The following SMARCA2 variants were observed in gnomAD, a reference collection of about 807,000 sequenced individuals.
SMARCA2 encodes SWI/SNF related BAF chromatin remodeling complex subunit ATPase 2.
A neutral mutation model predicts 199.8 loss-of-function variants in SMARCA2; 61 were observed. That is an observed-to-expected ratio of 0.31 (90% confidence interval 0.25 to 0.38). SMARCA2 has a LOEUF of 0.38. Among genes scored for constraint, SMARCA2 ranks in the 10% least tolerant of loss-of-function variants. The probability of loss-of-function intolerance (pLI) is 1.00; values close to 1 mark genes in which losing one functional copy is unlikely to be tolerated. For missense variants in SMARCA2, 1,344 were observed against 2,012.2 expected (o/e 0.67, Z 6.35); for synonymous variants, 935 against 732.0 (o/e 1.28, Z -4.48).
chr9:2,074,414 A>C (rs1821229474), intron 12 of SMARCA2, among the ~76,000 whole-genome samples: 1 of 152,166 alleles, frequency 6.6e-6, no homozygotes, highest in Non-Finnish European at 1.5e-5. Context: ...ACAAGGTAAA[A>C]CATCCTTACC....
chr9:2,097,620 A>G, intron 21 of SMARCA2, 149 bp downstream of exon 21: 1 of 575,190 alleles, frequency 1.7e-6, no homozygotes, highest in East Asian at 2.8e-5. Flanking sequence ...TAGCTCGACA[A>G]GCAGAATTAA....
In SMARCA2 at chr9:2,103,962, A is replaced by T. The variant is rs771108745; in HGVS notation, c.3126-41A>T. ...ATGCTGGATTTTTTAAGAAGACAGA[A>T]GTAATACTGTCTTCTTGTTTTTGCA... On this transcript the variant is annotated intron_variant, in intron 22 of 33. Transcript: ENST00000349721. The T allele has an allele frequency of 3.1e-6, 5 of 1,596,898 alleles. No individual in the cohort carries two copies. The East Asian group carries it at 1.1e-4, about 36-fold the overall frequency.
In SMARCA2 at chr9:2,192,728, G is replaced by C. The variant is rs778603688; in HGVS notation, c.4762G>C (p.Asp1588His). The part of the protein sequence containing the change: ...EREQSEGSGT[D>H]DE The stretch of plus-strand genomic sequence containing the variant: ...GGAACAGTCAGAAGGAAGTGGGACG[G>C]ATGATGAGTGATCAGTATGGACCTT... The change falls in exon 34 of 34, where the codon GAT becomes CAT. Residue 1588 changes from aspartate (D) to histidine (H), a missense_variant. By Grantham distance (81) the Asp-to-His change is moderately conservative. Transcript: ENST00000349721. The C allele has an allele frequency of 1.2e-5, 19 of 1,608,994 alleles. No individual in the cohort carries two copies. The highest frequency in any genetic ancestry group is 1.0e-5 in the Non-Finnish European group (12 of 1,175,486).
intron 27 of SMARCA2, among the ~76,000 whole-genome samples, chr9:2,138,828 C>T (rs892842943): frequency 6.6e-6 from 1 of 152,162 alleles, no homozygotes; most frequent in African/African-American, 2.4e-5. Context: ...TAGAAAGAAC[C>T]ATGTGGGTTT....
At chr9:2,137,826 T>A (rs1586743346) in intron 27 of SMARCA2, among the ~76,000 whole-genome samples, 1 of 152,190 alleles carries the variant, frequency 6.6e-6, no homozygotes, top group Non-Finnish European at 1.5e-5. Flanking sequence ...AGGAGGGATT[T>A]GGTTGCAGCC....
At chr9:2,028,816 G>T (rs1818940465) in intron 1 of SMARCA2, among the ~76,000 whole-genome samples, 171 bp from the exon 2 acceptor site, 1 of 152,146 alleles carries the variant, frequency 6.6e-6, no homozygotes, top group African/African-American at 2.4e-5. Context: ...TCTTCATAAA[G>T]ACTAGGGCAG....
At chr9:2,036,813 G>C (rs901039518) in intron 3 of SMARCA2, among the ~76,000 whole-genome samples, 2 of 151,980 alleles carry the variant, frequency 1.3e-5, no homozygotes, top group Non-Finnish European at 2.9e-5. Flanking sequence ...GAATTCTTAT[G>C]TTTAATGTAA....
At chr9:2,076,122 C>A (rs1473421938) in intron 12 of SMARCA2, 107 bp from the exon 13 acceptor site, 2 of 672,362 alleles carry the variant, frequency 3.0e-6, no homozygotes, top group Non-Finnish European at 5.3e-6. Flanking sequence ...TATGATCTTA[C>A]TTCATTTGTG....
At chr9:2,149,188 ATGG>A (rs1002919191) in intron 27 of SMARCA2, among the ~76,000 whole-genome samples, 16 of 151,242 alleles carry the variant, frequency 1.1e-4, no homozygotes, top group Non-Finnish European at 2.1e-4. Flanking sequence ...CACTTCTTAC[ATGG>A]TGGCGGCAAG....
intron 14 of SMARCA2, 84 bp from the exon 15 acceptor site, chr9:2,081,748 G>A (rs1821576187): frequency 1.6e-6 from 2 of 1,242,276 alleles, no homozygotes; most frequent in Non-Finnish European, 2.3e-6. Flanking sequence ...GAGGAGTTAA[G>A]AAGTCACACC....
chr9:2,169,470 A>G lies in SMARCA2; in HGVS notation c.4200-949A>G, dbSNP rs570898848. ...GCTCTCCTTATATTTCAGACATTCC[A>G]AAGAATTCTGTGTATTTTGAAGCGA... On this transcript the variant is annotated intron_variant, in intron 28 of 33. Transcript: ENST00000349721. The surrounding 1 kb of genome is among the most constrained non-coding windows in gnomAD (Gnocchi z 6.5). Among the ~76,000 whole-genome samples the G allele has an allele frequency of 2.0e-5, 3 of 152,146 alleles. No individual in the cohort carries two copies. Among genetic ancestry groups the G allele is most frequent in the African/African-American group, 4.8e-5 (2 of 41,502 alleles).
At chr9:2,183,279 A>G in intron 31 of SMARCA2, among the ~76,000 whole-genome samples, 1 of 152,214 alleles carries the variant, frequency 6.6e-6, no homozygotes, top group East Asian at 1.9e-4. Flanking sequence ...AACTATAGGA[A>G]AAAAAGAAAC....
chr9:2,189,081 A>C (rs1200059814), intron 32 of SMARCA2, among the ~76,000 whole-genome samples: 1 of 152,190 alleles, frequency 6.6e-6, no homozygotes, highest in Non-Finnish European at 1.5e-5. Flanking sequence ...AATCCACTAT[A>C]ATTTCCCCAT....
At chr9:2,036,940 A>G (rs1819361535) in intron 3 of SMARCA2, among the ~76,000 whole-genome samples, 1 of 152,208 alleles carries the variant, frequency 6.6e-6, no homozygotes, top group Non-Finnish European at 1.5e-5. Context: ...TGTATTAGGC[A>G]TCTTATGATT....
intron 20 of SMARCA2, chr9:2,097,038 G>A: frequency 2.0e-6 from 1 of 495,724 alleles, no homozygotes; most frequent in South Asian, 2.6e-5. Flanking sequence ...GTGTGGGGTG[G>A]CATTTTAGAA....
chr9:2,180,977 G>A (rs911472969), intron 29 of SMARCA2, among the ~76,000 whole-genome samples: 1 of 152,068 alleles, frequency 6.6e-6, no homozygotes, highest in Non-Finnish European at 1.5e-5. Flanking sequence ...GGTTCCTCTG[G>A]CAAGTAATAA....
At position 2,039,573 on chromosome 9, in the gene SMARCA2, G is replaced by C; in HGVS notation, c.463G>C (p.Ala155Pro). ...PPQMPPSQPG[A>P]LIPGDPQAMS... ...TCAGATGCCACCAAGCCAGCCGGGG[G>C]CCCTCATCCCAGGTGATCCGCAGGC... The change falls in exon 4 of 34, where the codon GCC becomes CCC. Residue 155 changes from alanine (A) to proline (P), a missense_variant. Around this residue, in one of 18 missense-constraint regions of SMARCA2, gnomAD observed 275 missense variants for 247.5 expected, o/e 1.11. Coordinates refer to ENST00000349721, the MANE Select transcript of SMARCA2 (RefSeq NM_003070.5). This position sits in a 1 kb window ranked among gnomAD's most constrained non-coding sequence, Gnocchi z 4.8. 6.2e-7 allele frequency: 1 copy of C among 1,614,152 alleles called. No homozygotes were observed. The highest frequency in any genetic ancestry group is 8.5e-7 in the Non-Finnish European group (1 of 1,180,032).
chr9:2,193,063 G>C lies in SMARCA2; in HGVS notation c.*324G>C, dbSNP rs550337302. 88 of 256,410 alleles carry C rather than the reference G, an allele frequency of 3.4e-4. 1 individual carries two copies. The South Asian group carries it at 9.1e-3, about 26-fold the overall frequency. The allele number at this position is 256,410 out of a possible 1,614,324, so 15.9% of individuals were successfully genotyped here. The stretch of plus-strand genomic sequence containing the variant: ...TTTGGTAACGGTTTGATTGTGCCTG[G>C]TTTTATCACCTGTTCAGATGAGAAG... On this transcript the variant is annotated 3_prime_UTR_variant, in exon 34 of 34. Transcript: ENST00000349721.
chr9:2,084,296 T>G (rs1462839597), intron 17 of SMARCA2, 100 bp downstream of exon 17: 2 of 641,244 alleles, frequency 3.1e-6, no homozygotes. Flanking sequence ...TTAGATGGCT[T>G]GTCCTTTTCT....
Sources: gnomAD v4.1 joint callset for allele counts (sites outside exome capture counted in the v4.1 genomes callset) on GRCh38, gnomAD v4.1.1 for gene constraint, gnomAD v4.1.1 regional missense constraint, Gnocchi (gnomAD v3.1) non-coding constraint, MANE v1.5 for transcripts, NCBI Gene and HGNC (gene_info 2026-07-23, HGNC 2026-07-21) for gene names.